Variants in SGSM1 observed in about 807,000 individuals in gnomAD.
SGSM1 encodes the protein small G protein signaling modulator 1.
In SGSM1, 73 loss-of-function variants were observed where a neutral mutation model predicts 133.8. That is an observed-to-expected ratio of 0.55 (90% CI 0.45 to 0.66). The LOEUF (loss-of-function observed/expected upper bound fraction) is 0.66, where lower values mean the gene tolerates loss of function less well. SGSM1 is among the 30% of genes least tolerant of loss of function. The probability of loss-of-function intolerance (pLI) is 0.00; values close to 1 mark genes in which losing one functional copy is unlikely to be tolerated. For synonymous variants in SGSM1, 563 were observed against 573.0 expected (o/e 0.98, Z 0.25); for missense variants, 1,213 against 1,448.1 (o/e 0.84, Z 2.64).
chr22:24,817,506 C>T (rs1326999024), intron 2 of SGSM1, among the ~76,000 whole-genome samples: 1 of 152,088 alleles, frequency 6.6e-6, no homozygotes, highest in African/African-American at 2.4e-5. Flanking sequence ...GTGCCTGCAA[C>T]CACGCCTGGC....
In SGSM1 at chr22:24,924,478, T is replaced by C. The variant is rs1934124070; in HGVS notation, c.*204T>C. The C allele has an allele frequency of 1.8e-6, 1 of 557,102 alleles. No individual in the cohort carries two copies. The highest frequency in any genetic ancestry group is 2.9e-5 in the East Asian group (1 of 33,954). The allele number at this position is 557,102 out of a possible 1,614,324, so 34.5% of individuals were successfully genotyped here. ...AGTACCCCTTCAATTCAGCCTTACA[T>C]TTTCCTGTTTGACCAAAGATTGCCC... On this transcript the variant is annotated 3_prime_UTR_variant, in exon 25 of 25. Coordinates refer to ENST00000400358, the MANE Select transcript of SGSM1 (RefSeq NM_001098497.3).
At chr22:24,899,992 T>G (rs1170116137) in intron 19 of SGSM1, among the ~76,000 whole-genome samples, 3 of 152,076 alleles carry the variant, frequency 2.0e-5, no homozygotes. Flanking sequence ...TCAAATATGC[T>G]ATAAAATGAC....
At position 24,807,930 on chromosome 22, in the gene SGSM1, C is replaced by A. The variant is rs1326638492; in HGVS notation, c.63+1446C>A. Reference sequence around the variant, plus strand: ...GTGTGTGTCTCTGTGTGTGGCATGTCCTATTTTGTTTAAAGAATGAGCTCC... The same window carrying A: ...GTGTGTGTCTCTGTGTGTGGCATGTACTATTTTGTTTAAAGAATGAGCTCC... On this transcript the variant is annotated intron_variant, in intron 2 of 24. Coordinates refer to ENST00000400358, the MANE Select transcript of SGSM1 (RefSeq NM_001098497.3). Among the ~76,000 whole-genome samples the A allele has an allele frequency of 5.1e-5, 7 of 137,894 alleles. 1 individual carries two copies. The highest frequency in any genetic ancestry group is 2.3e-4 in the South Asian group (1 of 4,392). 90.5% of individuals were successfully genotyped at this position (137,894 alleles called of 152,430 possible). A position where few individuals can be genotyped will look rare whatever the true frequency, so the allele number is the denominator to read the frequency against.
In SGSM1 at chr22:24,816,417, C is replaced by CTTTTTTT. The variant is rs3062145; in HGVS notation, c.63+9943_63+9949dup. Among the ~76,000 whole-genome samples, 31 of 130,092 alleles carry CTTTTTTT rather than the reference C, an allele frequency of 2.4e-4. 1 individual carries two copies. The highest frequency in any genetic ancestry group is 7.0e-4 in the African/African-American group (25 of 35,720). The allele number at this position is 130,092 out of a possible 152,430, so 85.3% of individuals were successfully genotyped here. Reference sequence around the variant, plus strand: ...AAAAATTGATTTCTTTTTTTTCTTTCTTTTTTTTTTTTTTTTGAGATGGTG... The same window carrying CTTTTTTT: ...AAAAATTGATTTCTTTTTTTTCTTTCTTTTTTTTTTTTTTTTTTTTTTTGAGATGGTG... On this transcript the variant is annotated intron_variant, in intron 2 of 24. Transcript: ENST00000400358.
At chr22:24,881,874 C>T (rs1288424105) in intron 14 of SGSM1, among the ~76,000 whole-genome samples, 1 of 152,096 alleles carries the variant, frequency 6.6e-6, no homozygotes, top group African/African-American at 2.4e-5. Context: ...TTTGCTGAGG[C>T]ACTTTACCTA....
At chr22:24,811,613 C>A (rs1264713980) in intron 2 of SGSM1, among the ~76,000 whole-genome samples, 2 of 151,648 alleles carry the variant, frequency 1.3e-5, no homozygotes, top group African/African-American at 4.9e-5. Context: ...TGCCTGTAAT[C>A]CCAGCCCTTT....
At chr22:24,889,179 C>A (rs1245833793) in intron 16 of SGSM1, among the ~76,000 whole-genome samples, 1 of 151,792 alleles carries the variant, frequency 6.6e-6, no homozygotes, top group Admixed American at 6.6e-5. Flanking sequence ...CCAGGCTGGT[C>A]CTAAACTGCT....
At chr22:24,890,470 A>G (rs941262300) in intron 16 of SGSM1, among the ~76,000 whole-genome samples, 4 of 152,218 alleles carry the variant, frequency 2.6e-5, no homozygotes, top group Admixed American at 2.0e-4. Flanking sequence ...ACACTGACAC[A>G]ATACAACTAG....
intron 22 of SGSM1, among the ~76,000 whole-genome samples, chr22:24,914,089 G>A (rs1933730409): frequency 1.3e-5 from 2 of 152,036 alleles, no homozygotes; most frequent in Admixed American, 6.6e-5. Context: ...AGGAGATCGC[G>A]ACCATCCTGG....
chr22:24,859,515 T>A (rs1450779407), intron 8 of SGSM1: 2 of 677,412 alleles, frequency 3.0e-6, no homozygotes, highest in East Asian at 6.4e-5. Context: ...GTAGAACCCA[T>A]TTGGGAGGCT....
intron 12 of SGSM1, among the ~76,000 whole-genome samples, chr22:24,870,725 G>A (rs537622865): frequency 1.3e-5 from 2 of 152,124 alleles, no homozygotes; most frequent in South Asian, 2.1e-4. Flanking sequence ...TGGAAGCATC[G>A]GGGAACCAGT....
chr22:24,836,021 CTT>C (rs1365088585), intron 2 of SGSM1, among the ~76,000 whole-genome samples: 1 of 152,104 alleles, frequency 6.6e-6, no homozygotes, highest in Admixed American at 6.5e-5. Flanking sequence ...ACAATTCAGT[CTT>C]GAGTACATTT....
chr22:24,926,256 A>C lies in SGSM1; in HGVS notation c.*1982A>C, dbSNP rs1183467674. On this transcript the variant is annotated 3_prime_UTR_variant, in exon 25 of 25. Coordinates refer to ENST00000400358, the MANE Select transcript of SGSM1 (RefSeq NM_001098497.3). ...CCAGCCTCTGGTGCAGGGTGGATAGAGGTCTAGCCAGCCCTTACTTCCTGA... is the reference window on the plus strand; with the variant it reads ...CCAGCCTCTGGTGCAGGGTGGATAGCGGTCTAGCCAGCCCTTACTTCCTGA... 2.0e-5 allele frequency: 3 copies of C among 152,156 alleles called. No homozygotes were observed. Among genetic ancestry groups the C allele is most frequent in the African/African-American group, 7.2e-5 (3 of 41,428 alleles). 9.4% of individuals were successfully genotyped at this position (152,156 alleles called of 1,614,324 possible).
chr22:24,881,566 A>AAAAAC (rs566672895), intron 14 of SGSM1, among the ~76,000 whole-genome samples: 13,736 of 150,402 alleles, frequency 0.091, 767 homozygotes, highest in South Asian at 0.22. Flanking sequence ...ACTCCGTCTC[A>AAAAAC]AAAACAAAAC....
At chr22:24,919,349 C>G (rs1193550916) in intron 23 of SGSM1, among the ~76,000 whole-genome samples, 1 of 152,128 alleles carries the variant, frequency 6.6e-6, no homozygotes, top group African/African-American at 2.4e-5. Flanking sequence ...CATGCCCAGC[C>G]AAAGGCTTGC....
At chr22:24,889,815 A>C (rs1270561456) in intron 16 of SGSM1, among the ~76,000 whole-genome samples, 7 of 148,232 alleles carry the variant, frequency 4.7e-5, no homozygotes, top group Non-Finnish European at 1.0e-4. Context: ...ATGCCTGGCT[A>C]ATTTTTTGTA....
At chr22:24,883,924 G>C (rs1932462558) in intron 14 of SGSM1, 129 bp from the exon 15 acceptor site, 2 of 1,119,262 alleles carry the variant, frequency 1.8e-6, no homozygotes, top group Non-Finnish European at 2.4e-6. Flanking sequence ...ATAAATAATA[G>C]AGCAAGACTC....
intron 2 of SGSM1, among the ~76,000 whole-genome samples, chr22:24,829,766 G>A (rs1034342152): frequency 3.3e-5 from 5 of 152,142 alleles, no homozygotes; most frequent in Admixed American, 6.5e-5. Flanking sequence ...GGGTTGTTGT[G>A]GTTATACACA....
chr22:24,868,920 T>A lies in SGSM1; in HGVS notation c.1291+65T>A. 9 of 1,574,396 alleles carry A rather than the reference T, an allele frequency of 5.7e-6. No homozygotes were observed. The East Asian group carries it at 1.1e-4, about 20-fold the overall frequency. ...AACTGATCCTGAAAATGACTCCAGGTGTTTGAAACTAGAAGATGACAGGTC... is the reference window on the plus strand; with the variant it reads ...AACTGATCCTGAAAATGACTCCAGGAGTTTGAAACTAGAAGATGACAGGTC... On this transcript the variant is annotated intron_variant, in intron 12 of 24. Coordinates refer to ENST00000400358, the MANE Select transcript of SGSM1 (RefSeq NM_001098497.3).
Sources: allele counts gnomAD v4.1 joint callset (sites outside exome capture counted in the v4.1 genomes callset), GRCh38; gene constraint gnomAD v4.1.1; transcripts MANE v1.5; gene names NCBI Gene and HGNC (gene_info 2026-07-23, HGNC 2026-07-21).